The following HACL2 variants were observed in gnomAD, a reference collection of about 807,000 sequenced individuals.
The protein encoded by HACL2 is 2-hydroxyacyl-CoA lyase 2, also known as 2-hydroxyacyl-CoA lyase 1 like.
At chr19:15,122,994 G>A in the HACL2 span, 1 of 1,603,412 alleles carries the variant, frequency 6.2e-7, no homozygotes, top group African/African-American at 1.3e-5. This position sits in a 1 kb window ranked among gnomAD's most constrained non-coding sequence, Gnocchi z 4.0. Context: ...GGCCGGAAAA[G>A]GGACAGCTGA....
the HACL2 span, among the ~76,000 whole-genome samples, chr19:15,120,747 C>T: frequency 6.6e-6 from 1 of 152,140 alleles, no homozygotes; most frequent in Non-Finnish European, 1.5e-5. Flanking sequence ...CTGCTTTCAC[C>T]GTTAAGGACA....
At chr19:15,116,820 A>G in the HACL2 span, 2 of 412,548 alleles carry the variant, frequency 4.8e-6, no homozygotes, top group Middle Eastern at 3.1e-4. Context: ...TGCCTGGGAA[A>G]CACTCAATGA....
the HACL2 span, chr19:15,115,651 T>G: frequency 6.2e-7 from 1 of 1,613,784 alleles, no homozygotes; most frequent in Non-Finnish European, 8.5e-7. Context: ...CATCATTCCC[T>G]ACCAAGGCCA....
the HACL2 span, chr19:15,119,340 G>C: frequency 6.2e-7 from 1 of 1,605,070 alleles, no homozygotes; most frequent in Non-Finnish European, 8.5e-7. Flanking sequence ...GTGTGGCCGG[G>C]GCCTCCCGCC....
At chr19:15,116,041 C>G in the HACL2 span, 2 of 1,613,902 alleles carry the variant, frequency 1.2e-6, no homozygotes, top group African/African-American at 2.7e-5. Context: ...AAGTGCAAAT[C>G]CTGCACCAAC....
chr19:15,115,778 C>T, the HACL2 span: 42 of 1,577,486 alleles, frequency 2.7e-5, no homozygotes, highest in South Asian at 4.3e-4. Flanking sequence ...GCTCCCTCCC[C>T]ACCTCAGCCC....
the HACL2 span, chr19:15,125,034 G>C: frequency 6.4e-7 from 1 of 1,564,466 alleles, no homozygotes. Flanking sequence ...GCTCCCAGCG[G>C]GGGCGGCGGC....
At chr19:15,122,279 G>A in the HACL2 span, among the ~76,000 whole-genome samples, 18 of 152,030 alleles carry the variant, frequency 1.2e-4, no homozygotes, top group African/African-American at 4.4e-4. This position sits in a 1 kb window ranked among gnomAD's most constrained non-coding sequence, Gnocchi z 4.0. Flanking sequence ...CTCTGTAAAT[G>A]TAAGAATGAA....
chr19:15,115,095 CCTCT>C, the HACL2 span: 1 of 803,604 alleles, frequency 1.2e-6, no homozygotes, highest in Admixed American at 2.0e-5. Flanking sequence ...CACAAGAGAG[CCTCT>C]CTGAGATTTG....
At chr19:15,116,990 G>A in the HACL2 span, 57 of 176,422 alleles carry the variant, frequency 3.2e-4, no homozygotes, top group South Asian at 8.0e-3. Flanking sequence ...AGGCTCTGCC[G>A]CTGTTCATCT....
the HACL2 span, chr19:15,116,190 A>C: frequency 6.2e-7 from 1 of 1,613,798 alleles, no homozygotes; most frequent in Non-Finnish European, 8.5e-7. Flanking sequence ...GGGCTGTACC[A>C]GATGGGCAGC....
At chr19:15,120,198 A>G in the HACL2 span, 1 of 621,284 alleles carries the variant, frequency 1.6e-6, no homozygotes, top group South Asian at 1.9e-5. Context: ...GCATGGGGAC[A>G]GGGTGGATGA....
the HACL2 span, chr19:15,117,957 G>T: frequency 5.0e-6 from 8 of 1,614,176 alleles, no homozygotes; most frequent in South Asian, 7.7e-5. Context: ...TGACGATGAT[G>T]ATCTTGCTGC....
the HACL2 span, chr19:15,116,842 T>G: frequency 2.9e-6 from 1 of 346,628 alleles, no homozygotes; most frequent in Non-Finnish European, 5.3e-6. Flanking sequence ...AAGAGCTACA[T>G]CCACCAAGCA....
chr19:15,124,576 C>A, the HACL2 span: 6 of 306,510 alleles, frequency 2.0e-5, no homozygotes, highest in Non-Finnish European at 3.7e-5. Flanking sequence ...CTGTCACTGC[C>A]ACCCCCTCGC....
At chr19:15,115,862 G>GA in the HACL2 span, 1 of 1,614,086 alleles carries the variant, frequency 6.2e-7, no homozygotes, top group Non-Finnish European at 8.5e-7. Context: ...TGTGTCTGAC[G>GA]AATGTATCAA....
At chr19:15,125,167 C>A in the HACL2 span, 1 of 1,227,086 alleles carries the variant, frequency 8.1e-7, no homozygotes, top group African/African-American at 1.5e-5. Context: ...GGCCACGACC[C>A]TTGCCGCCAG....
the HACL2 span, chr19:15,125,074 G>A: frequency 4.6e-6 from 7 of 1,527,894 alleles, no homozygotes; most frequent in Middle Eastern, 1.8e-4. Flanking sequence ...TGGTACCTAA[G>A]AGAGAAAGGG....
chr19:15,119,304 T>C, the HACL2 span: 2 of 1,603,192 alleles, frequency 1.2e-6, no homozygotes, highest in African/African-American at 1.3e-5. Flanking sequence ...ACGGCAGCCC[T>C]GGGAGTCCAG....
Sources: allele counts gnomAD v4.1 joint callset (sites outside exome capture counted in the v4.1 genomes callset), GRCh38; gene constraint gnomAD v4.1.1; non-coding constraint Gnocchi (gnomAD v3.1); transcripts MANE v1.5; gene names NCBI Gene and HGNC (gene_info 2026-07-23, HGNC 2026-07-21).